The following GAB2 variants were observed in gnomAD, a reference collection of about 807,000 sequenced individuals.
GAB2 encodes GRB2 associated binding protein 2.
Under a neutral mutation model 65.5 loss-of-function variants are expected in GAB2, and 26 were observed. The ratio of observed to expected loss-of-function variants is 0.40; its 90% confidence interval spans 0.29 to 0.55. The LOEUF (loss-of-function observed/expected upper bound fraction) is 0.55. Ranked by LOEUF, GAB2 falls within the 20% of genes least tolerant of loss-of-function variation. The pLI is 0.53. For missense variants in GAB2, 884 were observed against 875.8 expected (o/e 1.01, Z -0.12); for synonymous variants, 321 against 329.6 (o/e 0.97, Z 0.28).
intron 3 of GAB2, among the ~76,000 whole-genome samples, chr11:78,238,187 T>C (rs796304796): frequency 5.9e-5 from 2 of 34,004 alleles, no homozygotes; most frequent in African/African-American, 2.5e-4. Context: ...CAACTTAAAA[T>C]AAAAGTTGAG....
chr11:78,370,330 ATTTT>A (rs1856551521), intron 1 of GAB2, among the ~76,000 whole-genome samples: 1 of 152,028 alleles, frequency 6.6e-6, no homozygotes, highest in South Asian at 2.1e-4. Context: ...CTCATGGTTT[ATTTT>A]ATCTCACAGG....
At chr11:78,353,211 T>C (rs1207219057) in intron 1 of GAB2, among the ~76,000 whole-genome samples, 1 of 152,004 alleles carries the variant, frequency 6.6e-6, no homozygotes, top group African/African-American at 2.4e-5. Flanking sequence ...GAGGCTGAGG[T>C]GGGCGGATCA....
intron 1 of GAB2, among the ~76,000 whole-genome samples, chr11:78,382,644 G>A (rs893675756): frequency 7.2e-5 from 11 of 151,988 alleles, no homozygotes; most frequent in Non-Finnish European, 5.9e-5. Flanking sequence ...AAGTCACCAC[G>A]CATGGAAAGC....
intron 1 of GAB2, among the ~76,000 whole-genome samples, chr11:78,353,521 A>G (rs1856312995): frequency 6.6e-6 from 1 of 152,218 alleles, no homozygotes; most frequent in African/African-American, 2.4e-5. Flanking sequence ...GATTCATGAT[A>G]AAATCTGAGG....
At chr11:78,371,929 A>G (rs1856576203) in intron 1 of GAB2, among the ~76,000 whole-genome samples, 1 of 152,238 alleles carries the variant, frequency 6.6e-6, no homozygotes, top group African/African-American at 2.4e-5. Context: ...TAGACCCTCT[A>G]AAACCTTCAT....
intron 3 of GAB2, among the ~76,000 whole-genome samples, chr11:78,247,980 G>A (rs1264923744): frequency 5.3e-5 from 8 of 152,158 alleles, no homozygotes. Context: ...ACAACAATGT[G>A]ACTTCCTCAG....
chr11:78,303,014 A>G (rs1019306111), intron 1 of GAB2, among the ~76,000 whole-genome samples: 26 of 152,182 alleles, frequency 1.7e-4, no homozygotes, highest in African/African-American at 6.0e-4. Context: ...AGCAAAAGAA[A>G]GAATGATGCA....
intron 3 of GAB2, among the ~76,000 whole-genome samples, chr11:78,242,176 T>G (rs1478938059): frequency 6.6e-6 from 1 of 152,194 alleles, no homozygotes; most frequent in African/African-American, 2.4e-5. Flanking sequence ...AACATGCTCT[T>G]GAATGATTTA....
chr11:78,279,807 G>C (rs1457785025), intron 2 of GAB2, among the ~76,000 whole-genome samples: 2 of 152,056 alleles, frequency 1.3e-5, no homozygotes, highest in African/African-American at 2.4e-5. Flanking sequence ...TTTATTGATG[G>C]ATATTTGGGT....
intron 3 of GAB2, among the ~76,000 whole-genome samples, chr11:78,247,224 T>C (rs1865323371): frequency 6.6e-6 from 1 of 152,212 alleles, no homozygotes; most frequent in Admixed American, 6.5e-5. Flanking sequence ...ATCTATCTCC[T>C]TTTATTTATT....
At chr11:78,251,833 G>C (rs1453970542) in intron 2 of GAB2, among the ~76,000 whole-genome samples, 2 of 152,152 alleles carry the variant, frequency 1.3e-5, no homozygotes, top group East Asian at 1.9e-4. Flanking sequence ...GGCTTTCTGA[G>C]AACAGTGACT....
intron 1 of GAB2, among the ~76,000 whole-genome samples, chr11:78,308,575 C>T (rs922061543): frequency 2.0e-5 from 3 of 152,192 alleles, no homozygotes; most frequent in South Asian, 2.1e-4. Context: ...AAGCTATATA[C>T]ACAACATGAG....
intron 1 of GAB2, among the ~76,000 whole-genome samples, chr11:78,364,841 T>C (rs1165615922): frequency 6.6e-6 from 1 of 151,884 alleles, no homozygotes; most frequent in African/African-American, 2.4e-5. Context: ...AGATACAGAG[T>C]GAGATTTGGA....
At chr11:78,222,009 G>C (rs1236139913) in intron 7 of GAB2, 96 bp downstream of exon 7, 2 of 835,374 alleles carry the variant, frequency 2.4e-6, no homozygotes, top group Non-Finnish European at 4.2e-6. Context: ...GTTAGCATCA[G>C]AATCCAGCTG....
intron 1 of GAB2, among the ~76,000 whole-genome samples, chr11:78,321,680 T>G (rs1855727151): frequency 6.6e-6 from 1 of 152,170 alleles, no homozygotes; most frequent in Non-Finnish European, 1.5e-5. Flanking sequence ...GTACTCTACT[T>G]GCATTTAAAA....
At chr11:78,354,717 A>C (rs1856331567) in intron 1 of GAB2, among the ~76,000 whole-genome samples, 2 of 152,154 alleles carry the variant, frequency 1.3e-5, no homozygotes, top group Non-Finnish European at 2.9e-5. Context: ...AAACCCAGAA[A>C]AGCTTTTAAA....
intron 3 of GAB2, among the ~76,000 whole-genome samples, chr11:78,234,505 T>G (rs1187080438): frequency 2.0e-5 from 3 of 151,456 alleles, no homozygotes; most frequent in Non-Finnish European, 4.4e-5. Context: ...TGTCAAGCTG[T>G]TTCAGCATCA....
At chr11:78,364,896 T>A (rs1252339102) in intron 1 of GAB2, among the ~76,000 whole-genome samples, 1 of 152,018 alleles carries the variant, frequency 6.6e-6, no homozygotes, top group African/African-American at 2.4e-5. Context: ...AGCACCTTTT[T>A]AAAAATATAT....
At chr11:78,347,615 A>C (rs143958680) in intron 1 of GAB2, among the ~76,000 whole-genome samples, 36 of 152,344 alleles carry the variant, frequency 2.4e-4, no homozygotes, top group Admixed American at 1.2e-3. Context: ...CCCTTGCTTC[A>C]CACCATATAC....
Sources: allele counts gnomAD v4.1 joint callset (sites outside exome capture counted in the v4.1 genomes callset), GRCh38; gene constraint gnomAD v4.1.1; transcripts MANE v1.5; gene names NCBI Gene and HGNC (gene_info 2026-07-23, HGNC 2026-07-21).